Variants in DAB2IP observed in about 807,000 individuals in gnomAD.
DAB2IP encodes the protein DAB2 interacting protein, also known as disabled homolog 2-interacting protein.
A neutral mutation model predicts 107.2 loss-of-function variants in DAB2IP; 28 were observed. That is an observed-to-expected ratio of 0.26 (90% CI 0.19 to 0.36). DAB2IP has a LOEUF of 0.36. Among genes scored for constraint, DAB2IP ranks in the 10% least tolerant of loss-of-function variants. The probability of loss-of-function intolerance (pLI) is 1.00; values close to 1 mark genes in which losing one functional copy is unlikely to be tolerated. For missense variants in DAB2IP, 1,400 were observed against 1,644.7 expected (o/e 0.85, Z 2.57); for synonymous variants, 755 against 706.4 (o/e 1.07, Z -1.09).
At chr9:121,778,200 G>C (rs1015709011) in intron 14 of DAB2IP, among the ~76,000 whole-genome samples, 6 of 152,132 alleles carry the variant, frequency 3.9e-5, no homozygotes, top group African/African-American at 1.2e-4. Context: ...AAGCTCCCTT[G>C]GGCTTCTTGT....
In DAB2IP at chr9:121,736,623, C is replaced by G. The variant is rs1181689765; in HGVS notation, c.363-20390C>G. Among the ~76,000 whole-genome samples, 3 of 152,310 alleles carry G rather than the reference C, an allele frequency of 2.0e-5. No homozygotes were observed. In the East Asian group the frequency reaches 5.8e-4, roughly 29 times the overall value. ...GCTGGAGAGGGTTTGGGGCGTGGCG[C>G]AGCCCGACGTTAGTCCGGAATGCTC... is the stretch of plus-strand genomic sequence containing the variant. On this transcript the variant is annotated intron_variant, in intron 3 of 15. Transcript: ENST00000408936. The surrounding 1 kb of genome is among the most constrained non-coding windows in gnomAD (Gnocchi z 4.6).
chr9:121,583,788 C>T (rs926787888), intron 1 of DAB2IP, among the ~76,000 whole-genome samples: 3 of 152,192 alleles, frequency 2.0e-5, no homozygotes, highest in Non-Finnish European at 2.9e-5. Flanking sequence ...GTGGTTTTCC[C>T]GTTGTGTCCA....
rs768382409 is a variant in DAB2IP at position 121,760,720 on chromosome 9, C to T, written c.1170+281C>T. ...GTTGAGGTGCCTTCCACCACTGCTG[C>T]AGAGGACCGACCCCCTGAGGCGCCA... On this transcript the variant is annotated intron_variant, in intron 6 of 15. Transcript: ENST00000408936. This position sits in a 1 kb window ranked among gnomAD's most constrained non-coding sequence, Gnocchi z 5.9. Among the ~76,000 whole-genome samples the T allele has an allele frequency of 3.6e-4, 55 of 152,230 alleles. No individual in the cohort carries two copies. The highest frequency in any genetic ancestry group is 7.5e-4 in the Non-Finnish European group (51 of 68,020).
chr9:121,663,138 G>A (rs1333701922), intron 1 of DAB2IP, among the ~76,000 whole-genome samples: 1 of 152,176 alleles, frequency 6.6e-6, no homozygotes, highest in Non-Finnish European at 1.5e-5. Flanking sequence ...ATAAGGAATA[G>A]GAAGCATGGG....
At chr9:121,714,760 T>C (rs1037605548) in intron 3 of DAB2IP, among the ~76,000 whole-genome samples, 1 of 152,196 alleles carries the variant, frequency 6.6e-6, no homozygotes, top group African/African-American at 2.4e-5. Context: ...AATTAAGGCA[T>C]GTGTCCTGAA....
exon 16 of DAB2IP, chr9:121,784,041 G>C (rs370689386): frequency 3.1e-5 from 6 of 194,144 alleles, no homozygotes; most frequent in African/African-American, 1.1e-4. Flanking sequence ...TGCTGGAGGG[G>C]TGGCCCAGAG....
At position 121,600,618 on chromosome 9, in the gene DAB2IP, C is replaced by T. The variant is rs73544288; in HGVS notation, c.40+33390C>T. Among the ~76,000 whole-genome samples the T allele has an allele frequency of 3.1e-3, 473 of 152,256 alleles. 3 individuals carry two copies. Among genetic ancestry groups the T allele is most frequent in the African/African-American group, 0.011 (441 of 41,540 alleles). On this transcript the variant is annotated intron_variant, in intron 1 of 16. Coordinates refer to the DAB2IP transcript ENST00000259371. ...GTAGGTAGCTTGTCACCAATAAGGA[C>T]CAATCTTTAACATTAGTCCTCCTTA...
chr9:121,640,509 C>T (rs1397698085), intron 1 of DAB2IP, among the ~76,000 whole-genome samples: 1 of 152,122 alleles, frequency 6.6e-6, no homozygotes, highest in Non-Finnish European at 1.5e-5. Flanking sequence ...GCCCAAGCTG[C>T]CTCCCTAGGA....
At chr9:121,586,053 C>T (rs956787319) in intron 1 of DAB2IP, among the ~76,000 whole-genome samples, 3 of 152,126 alleles carry the variant, frequency 2.0e-5, no homozygotes, top group Admixed American at 1.3e-4. Flanking sequence ...GCTACCATTT[C>T]GCCCCTAGAT....
At chr9:121,683,598 G>A (rs577922855) in intron 2 of DAB2IP, among the ~76,000 whole-genome samples, 28 of 152,354 alleles carry the variant, frequency 1.8e-4, no homozygotes, top group Middle Eastern at 3.4e-3. Flanking sequence ...GGAAGGCCCA[G>A]GGGTCTGGCA....
At chr9:121,738,818 A>G (rs897395007) in intron 3 of DAB2IP, among the ~76,000 whole-genome samples, 2 of 152,204 alleles carry the variant, frequency 1.3e-5, no homozygotes, top group Admixed American at 6.5e-5. Flanking sequence ...ATCAGGACTT[A>G]CTGAGCTCTT....
intron 10 of DAB2IP, among the ~76,000 whole-genome samples, chr9:121,770,153 A>T (rs1412200901): frequency 6.6e-6 from 1 of 152,184 alleles, no homozygotes; most frequent in Non-Finnish European, 1.5e-5. Context: ...GCCCCAGCCC[A>T]TCCCGTGGAG....
At chr9:121,713,168 C>T (rs796744962) in intron 3 of DAB2IP, among the ~76,000 whole-genome samples, 26 of 152,234 alleles carry the variant, frequency 1.7e-4, no homozygotes, top group African/African-American at 3.9e-4. Context: ...AGGCCCAGAG[C>T]GGGTAATTGT....
At chr9:121,758,296 G>C (rs1342074516) in intron 4 of DAB2IP, among the ~76,000 whole-genome samples, 1 of 152,200 alleles carries the variant, frequency 6.6e-6, no homozygotes, top group Non-Finnish European at 1.5e-5. Context: ...AGAGAGGGAA[G>C]GAGAAGGGTC....
At chr9:121,623,188 C>G (rs1008983030) in intron 1 of DAB2IP, among the ~76,000 whole-genome samples, 1 of 152,206 alleles carries the variant, frequency 6.6e-6, no homozygotes, top group African/African-American at 2.4e-5. Context: ...CTCGCTGTGA[C>G]ACGGCATGGC....
At position 121,759,055 on chromosome 9, in the gene DAB2IP, G is replaced by A; in HGVS notation, c.615+59G>A. 2.0e-6 allele frequency: 3 copies of A among 1,515,810 alleles called. No individual in the cohort carries two copies. The South Asian group carries it at 3.5e-5, about 18-fold the overall frequency. 93.9% of individuals were successfully genotyped at this position (1,515,810 alleles called of 1,614,324 possible). Reference sequence around the variant, plus strand: ...GATTGAAGGTAGGCTCAGATAGGAGGAAACAAGAGAGACTATCTCTGTGGT... The same window carrying A: ...GATTGAAGGTAGGCTCAGATAGGAGAAAACAAGAGAGACTATCTCTGTGGT... On this transcript the variant is annotated intron_variant, in intron 5 of 15. Transcript: ENST00000408936.
Position 121,760,453 on chromosome 9 carries a change from C to A in DAB2IP, c.1170+14C>A, listed in dbSNP as rs770955631. ...GGCAAGGTGAAGGTGCGTGCAGGCC[C>A]CTCGGCTCCTGACACAGGCTGGGCG... On this transcript the variant is annotated intron_variant, in intron 6 of 15. Coordinates refer to ENST00000408936, the Ensembl canonical transcript of DAB2IP. This position sits in a 1 kb window ranked among gnomAD's most constrained non-coding sequence, Gnocchi z 5.9. The A allele has an allele frequency of 1.3e-6, 2 of 1,571,498 alleles. No homozygotes were observed. The highest frequency in any genetic ancestry group is 1.7e-6 in the Non-Finnish European group (2 of 1,162,866).
intron 3 of DAB2IP, among the ~76,000 whole-genome samples, chr9:121,726,327 A>G (rs1044908532): frequency 2.0e-5 from 3 of 152,212 alleles, no homozygotes; most frequent in Non-Finnish European, 2.9e-5. Flanking sequence ...AGGGCATGGA[A>G]GCTCCACGCC....
At chr9:121,726,625 C>T (rs1041625962) in intron 3 of DAB2IP, among the ~76,000 whole-genome samples, 8 of 152,142 alleles carry the variant, frequency 5.3e-5, no homozygotes, top group African/African-American at 1.9e-4. Context: ...CAAAATGGAA[C>T]AAAATTAGAA....
Sources: allele counts gnomAD v4.1 joint callset (sites outside exome capture counted in the v4.1 genomes callset), GRCh38; gene constraint gnomAD v4.1.1; non-coding constraint Gnocchi (gnomAD v3.1); transcripts MANE v1.5; gene names NCBI Gene and HGNC (gene_info 2026-07-23, HGNC 2026-07-21).